The following WDHD1 variants were observed in gnomAD, a reference collection of about 807,000 sequenced individuals.
The protein encoded by WDHD1 is WD repeat and HMG-box DNA-binding protein 1.
In WDHD1, 111 loss-of-function variants were observed where a neutral mutation model predicts 135.4. The ratio of observed to expected loss-of-function variants is 0.82; its 90% CI spans 0.70 to 0.96. The LOEUF is 0.96. Among genes scored for constraint, WDHD1 ranks in the 40% least tolerant of loss-of-function variants. The pLI is 0.00. For missense variants in WDHD1, 1,351 were observed against 1,336.3 expected (o/e 1.01, Z -0.17); for synonymous variants, 434 against 439.0 (o/e 0.99, Z 0.14).
intron 6 of WDHD1, 151 bp downstream of exon 6, chr14:55,008,165 C>T: frequency 3.0e-6 from 2 of 655,768 alleles, no homozygotes; most frequent in Non-Finnish European, 5.0e-6. Context: ...CACTAGAATA[C>T]TGTGGACTTT....
chr14:54,943,613 G>T (rs2040872500), intron 25 of WDHD1, among the ~76,000 whole-genome samples: 1 of 152,104 alleles, frequency 6.6e-6, no homozygotes. Flanking sequence ...GTCTAGGCTG[G>T]TCTCAAACTC....
chr14:55,015,929 C>T (rs1318151926), intron 2 of WDHD1, among the ~76,000 whole-genome samples: 1 of 152,058 alleles, frequency 6.6e-6, no homozygotes, highest in African/African-American at 2.4e-5. Context: ...GAACTCCTGA[C>T]CTCAGGTGAT....
At chr14:54,958,458 A>G (rs914407781) in intron 21 of WDHD1, among the ~76,000 whole-genome samples, 6 of 152,108 alleles carry the variant, frequency 3.9e-5, no homozygotes, top group Non-Finnish European at 8.8e-5. Flanking sequence ...AACTGTTGAC[A>G]CTATTATCAT....
chr14:55,026,090 A>G (rs1414873990), intron 2 of WDHD1, among the ~76,000 whole-genome samples: 4 of 152,232 alleles, frequency 2.6e-5, no homozygotes, highest in Admixed American at 1.3e-4. Context: ...AGCTCAAAGG[A>G]GGAAAAGACT....
chr14:55,015,838 G>A (rs1594592357), intron 2 of WDHD1, among the ~76,000 whole-genome samples: 1 of 152,038 alleles, frequency 6.6e-6, no homozygotes, highest in Non-Finnish European at 1.5e-5. Context: ...AGCTGGGACT[G>A]CAGGCGTGCG....
rs776343206 is a variant in WDHD1, at chr14:54,991,389, G to C, written c.1165C>G (p.Leu389Val). ...TTGAGAAGACTAGAACCAGTTTTTA[G>C]CATTGAAATATCTACAACACAAAGG... The part of the protein sequence containing the change: ...DDENSVDISM[L>V]KTGSSLLKEE... Residue 389 changes from leucine (L) to valine (V), a missense_variant, in exon 12 of 26, where the codon CTA (leucine) becomes GTA (valine). Physicochemically the swap from Leu to Val is conservative, Grantham distance 32. Transcript: ENST00000360586. 2.5e-6 allele frequency: 4 copies of C among 1,613,730 alleles called. No individual in the cohort carries two copies. The South Asian group carries it at 4.4e-5, about 18-fold the overall frequency.
intron 16 of WDHD1, among the ~76,000 whole-genome samples, chr14:54,970,712 A>G (rs550819366): frequency 1.1e-4 from 16 of 152,170 alleles, no homozygotes; most frequent in South Asian, 2.1e-4. Context: ...TCAAATTACC[A>G]ATGTCATTTT....
intron 7 of WDHD1, chr14:55,004,850 G>C: frequency 2.0e-6 from 1 of 508,498 alleles, no homozygotes; most frequent in Non-Finnish European, 3.9e-6. Flanking sequence ...GCATTCAGTG[G>C]TCTGAGCAGT....
At chr14:54,989,264 A>T in intron 12 of WDHD1, 52 bp from the exon 13 acceptor site, 1 of 1,376,582 alleles carries the variant, frequency 7.3e-7, no homozygotes, top group Admixed American at 2.1e-5. Context: ...AAGCTCCTAG[A>T]ATCAGTAAGC....
chr14:54,956,635 C>A (rs1191320384), intron 23 of WDHD1, among the ~76,000 whole-genome samples: 1 of 152,072 alleles, frequency 6.6e-6, no homozygotes, highest in East Asian at 1.9e-4. Flanking sequence ...GAGTGAGCCT[C>A]TGTCTCAAAA....
intron 10 of WDHD1, among the ~76,000 whole-genome samples, chr14:54,996,303 A>G (rs2041877773): frequency 6.6e-6 from 1 of 152,196 alleles, no homozygotes; most frequent in African/African-American, 2.4e-5. Flanking sequence ...AAAAACAAAG[A>G]AGGCAAAGAA....
intron 4 of WDHD1, 68 bp from the exon 5 acceptor site, chr14:55,008,787 C>T: frequency 9.0e-7 from 1 of 1,109,718 alleles, no homozygotes; most frequent in East Asian, 2.4e-5. Flanking sequence ...AAGCTATGAT[C>T]CAAATATTTC....
rs544789392 is a variant in WDHD1, at chr14:54,962,387, C to T, written c.2701+111G>A. On this transcript the variant is annotated intron_variant, in intron 21 of 25. Coordinates refer to ENST00000360586, the MANE Select transcript of WDHD1 (RefSeq NM_007086.4). ...GATTAAAAAAACAAAAACATAAACA[C>T]ACACACACCAAAAGTGGCCTTAAGA... 3.6e-5 allele frequency: 29 copies of T among 807,576 alleles called. 1 individual carries two copies. In the Middle Eastern group the frequency reaches 1.4e-3, roughly 39 times the overall value. The allele number at this position is 807,576 out of a possible 1,614,324, so 50.0% of individuals were successfully genotyped here.
At chr14:54,953,653 C>T (rs2041100952) in intron 24 of WDHD1, among the ~76,000 whole-genome samples, 1 of 152,156 alleles carries the variant, frequency 6.6e-6, no homozygotes, top group South Asian at 2.1e-4. Flanking sequence ...AATCATGCTG[C>T]TATAAAAACA....
intron 12 of WDHD1, among the ~76,000 whole-genome samples, chr14:54,990,878 G>A (rs866343168): frequency 6.6e-6 from 1 of 152,102 alleles, no homozygotes; most frequent in Admixed American, 6.6e-5. Flanking sequence ...TAGTGTTTTG[G>A]AGTCAGTATA....
Position 54,964,652 on chromosome 14 carries a change from G to A in WDHD1, c.2311-1480C>T, listed in dbSNP as rs577953690. 3.3e-5 allele frequency among the ~76,000 whole-genome samples: 5 copies of A among 151,138 alleles called. No homozygotes were observed. In the East Asian group the frequency reaches 9.7e-4, roughly 29 times the overall value. On this transcript the variant is annotated intron_variant, in intron 18 of 25. Coordinates refer to ENST00000360586, the MANE Select transcript of WDHD1 (RefSeq NM_007086.4). ...AGACTTCGTTTCAAAAAAAAAAAAA[G>A]AAATAAAAAGGAATAGTCTGGTTTC...
At position 54,959,233 on chromosome 14, in the gene WDHD1, C is replaced by G. The variant is rs1051411494; in HGVS notation, c.2702-1598G>C. Among the ~76,000 whole-genome samples, 8 of 151,596 alleles carry G rather than the reference C, an allele frequency of 5.3e-5. 1 individual carries two copies. Among genetic ancestry groups the G allele is most frequent in the Admixed American group, 5.3e-4 (8 of 15,212 alleles). ...AACAAAAAACAACAAAACAAAAAAC[C>G]CAAACCAAAACAAAACTAGCCAGAC... On this transcript the variant is annotated intron_variant, in intron 21 of 25. Coordinates refer to ENST00000360586, the MANE Select transcript of WDHD1 (RefSeq NM_007086.4).
chr14:55,016,711 CT>C (rs2042267623), intron 2 of WDHD1, among the ~76,000 whole-genome samples: 1 of 152,180 alleles, frequency 6.6e-6, no homozygotes, highest in Admixed American at 6.5e-5. Flanking sequence ...CGAAGTTAAC[CT>C]TAATTGATTT....
intron 3 of WDHD1, among the ~76,000 whole-genome samples, chr14:55,012,725 T>C (rs899998682): frequency 2.0e-5 from 3 of 152,054 alleles, no homozygotes; most frequent in Non-Finnish European, 4.4e-5. Flanking sequence ...CTTGGAAAGG[T>C]AAAGAGAGGG....
Sources: gnomAD v4.1 joint callset for allele counts (sites outside exome capture counted in the v4.1 genomes callset) on GRCh38, gnomAD v4.1.1 for gene constraint, MANE v1.5 for transcripts, NCBI Gene and HGNC (gene_info 2026-07-23, HGNC 2026-07-21) for gene names.